Variants in MCC observed in about 807,000 individuals in gnomAD.
The protein encoded by MCC is MCC regulator of Wnt signaling pathway, also known as colorectal mutant cancer protein.
MCC carries 90 observed loss-of-function variants against 116.2 expected under a neutral mutation model. The ratio of observed to expected loss-of-function variants is 0.77; its 90% CI spans 0.65 to 0.92. The LOEUF is 0.92. Among genes scored for constraint, MCC ranks in the 40% least tolerant of loss-of-function variants. The pLI is 0.00. For synonymous variants in MCC, 578 were observed against 510.5 expected, an observed-to-expected ratio of 1.13 and a Z score of -1.78; for missense variants, 1,516 against 1,312.2, an observed-to-expected ratio of 1.16 and a Z score of -2.40.
intron 3 of MCC, among the ~76,000 whole-genome samples, chr5:113,152,951 G>A (rs1036486029): frequency 2.0e-5 from 3 of 152,114 alleles, no homozygotes; most frequent in African/African-American, 4.8e-5. Context: ...TTTGTGTGAC[G>A]ACTTCTCAGT....
At chr5:113,034,497 G>A (rs1485494351) in intron 17 of MCC, among the ~76,000 whole-genome samples, 1 of 152,216 alleles carries the variant, frequency 6.6e-6, no homozygotes, top group East Asian at 1.9e-4. Context: ...GAGTCATCGG[G>A]CGAGAGCCCA....
intron 8 of MCC, among the ~76,000 whole-genome samples, chr5:113,087,982 A>C (rs1299176947): frequency 6.6e-6 from 1 of 152,244 alleles, no homozygotes; most frequent in Non-Finnish European, 1.5e-5. Context: ...CTACAGAGGC[A>C]ATTTACTCTA....
chr5:113,068,703 T>C (rs938738227), intron 12 of MCC, among the ~76,000 whole-genome samples: 1 of 152,226 alleles, frequency 6.6e-6, no homozygotes, highest in East Asian at 1.9e-4. Flanking sequence ...CTGTCGTGTC[T>C]TCAAGATTCT....
rs549838988 is a variant in MCC, at chr5:113,472,895, G to A, written c.170+15350C>T. ...ATGCTATTTGGGAGTGTGAAGCACC[G>A]TATTTTGTCTTAAGGTAGTATTAAA... is the stretch of plus-strand genomic sequence containing the variant. On this transcript the variant is annotated intron_variant, in intron 1 of 18. Transcript: ENST00000408903. 3.5e-3 allele frequency among the ~76,000 whole-genome samples: 535 copies of A among 152,232 alleles called. 1 individual carries two copies. The highest frequency in any genetic ancestry group is 6.1e-3 in the Non-Finnish European group (413 of 68,020).
chr5:113,418,517 T>C (rs1422864957), intron 1 of MCC, among the ~76,000 whole-genome samples: 1 of 150,150 alleles, frequency 6.7e-6, no homozygotes, highest in South Asian at 2.1e-4. Context: ...CCTCCAGCCA[T>C]GTGAAATTTC....
chr5:113,112,104 A>AGGGG (rs1210438294), intron 6 of MCC, among the ~76,000 whole-genome samples: 55 of 152,344 alleles, frequency 3.6e-4, no homozygotes, highest in African/African-American at 1.3e-3. Flanking sequence ...TCTTTACCAG[A>AGGGG]ATGACTTTGC....
intron 3 of MCC, among the ~76,000 whole-genome samples, chr5:113,240,142 C>T (rs909844452): frequency 1.3e-5 from 2 of 152,156 alleles, no homozygotes; most frequent in Non-Finnish European, 2.9e-5. Flanking sequence ...TCCCATTCCG[C>T]CACTCCTCTG....
intron 3 of MCC, among the ~76,000 whole-genome samples, chr5:113,198,356 C>G (rs1049753137): frequency 6.6e-6 from 1 of 151,954 alleles, no homozygotes; most frequent in African/African-American, 2.4e-5. Flanking sequence ...TTATGTATTT[C>G]AAGAGAGAAG....
In MCC at chr5:113,031,139, C is replaced by T. The variant is rs1283480567; in HGVS notation, c.2757-2083G>A. 3.9e-5 allele frequency among the ~76,000 whole-genome samples: 6 copies of T among 152,168 alleles called. No homozygotes were observed. The South Asian group carries it at 1.0e-3, about 26-fold the overall frequency. On this transcript the variant is annotated intron_variant, in intron 17 of 18. Transcript: ENST00000408903. Reference sequence around the variant, plus strand: ...TGATCAATGAAGAAAGGAATTACAACGTAAAATCCAGGCCTGCTTTTGGGA... The same window carrying T: ...TGATCAATGAAGAAAGGAATTACAATGTAAAATCCAGGCCTGCTTTTGGGA...
intron 3 of MCC, among the ~76,000 whole-genome samples, chr5:113,177,939 G>C (rs575968107): frequency 4.5e-4 from 69 of 152,124 alleles, no homozygotes; most frequent in Admixed American, 1.0e-3. Context: ...CCTTCTTTTC[G>C]AATTACGAAA....
rs995205545 is a variant in MCC at position 113,023,345 on chromosome 5, C to T, written c.*3957G>A. The T allele has an allele frequency of 6.6e-6, 1 of 152,226 alleles. No homozygotes were observed. Among genetic ancestry groups the T allele is most frequent in the African/African-American group, 2.4e-5 (1 of 41,454 alleles). 9.4% of individuals were successfully genotyped at this position (152,226 alleles called of 1,614,324 possible). A position where few individuals can be genotyped will look rare whatever the true frequency, so the allele number is the denominator to read the frequency against. On this transcript the variant is annotated 3_prime_UTR_variant, in exon 19 of 19. Coordinates refer to ENST00000408903, the MANE Select transcript of MCC (RefSeq NM_001085377.2). ...TCTATAAGAGTGCTCAAAGGTGAAT[C>T]AAACTTGTATATCATTCCTTGTCAA...
intron 5 of MCC, among the ~76,000 whole-genome samples, chr5:113,132,417 TACACAC>T (rs1391358885): frequency 8.2e-5 from 10 of 121,260 alleles, no homozygotes; most frequent in African/African-American, 3.5e-4. Flanking sequence ...CATATATATA[TACACAC>T]ATACATATAT....
intron 14 of MCC, among the ~76,000 whole-genome samples, chr5:113,060,268 C>T (rs1753127539): frequency 6.6e-6 from 1 of 152,162 alleles, no homozygotes; most frequent in Non-Finnish European, 1.5e-5. Flanking sequence ...AATTCTCCTG[C>T]CTCAGCCTCC....
intron 3 of MCC, among the ~76,000 whole-genome samples, chr5:113,202,561 C>T (rs924748349): frequency 1.3e-5 from 2 of 152,150 alleles, no homozygotes; most frequent in African/African-American, 2.4e-5. Flanking sequence ...GATACGCCGA[C>T]AGTGTATTTG....
intron 17 of MCC, among the ~76,000 whole-genome samples, chr5:113,040,280 A>G (rs59664033): frequency 0.26 from 38,930 of 151,402 alleles, 5,084 homozygotes; most frequent in African/African-American, 0.29. Context: ...TGGCCAGGTA[A>G]GGGGAGGTTG....
At chr5:113,300,125 ACT>A (rs1405756274) in intron 3 of MCC, among the ~76,000 whole-genome samples, 2 of 151,944 alleles carry the variant, frequency 1.3e-5, no homozygotes, top group African/African-American at 4.8e-5. Context: ...CATGGCAGAA[ACT>A]CTATTCTGGG....
At chr5:113,115,437 A>G (rs1757341260) in intron 6 of MCC, among the ~76,000 whole-genome samples, 1 of 152,048 alleles carries the variant, frequency 6.6e-6, no homozygotes, top group Non-Finnish European at 1.5e-5. Flanking sequence ...ATTTGTTTTC[A>G]TTTTCACTGT....
intron 2 of MCC, among the ~76,000 whole-genome samples, chr5:113,375,077 T>C (rs1581436714): frequency 1.3e-5 from 2 of 151,896 alleles, no homozygotes; most frequent in Middle Eastern, 3.4e-3. Flanking sequence ...ATGTACTCCC[T>C]GGATGTTCAT....
intron 3 of MCC, among the ~76,000 whole-genome samples, chr5:113,277,995 T>C (rs761325408): frequency 1.3e-5 from 2 of 152,194 alleles, no homozygotes; most frequent in African/African-American, 2.4e-5. Flanking sequence ...TGGATTTTAC[T>C]AGGAGATCTC....
Sources: allele counts gnomAD v4.1 joint callset (sites outside exome capture counted in the v4.1 genomes callset), GRCh38; gene constraint gnomAD v4.1.1; transcripts MANE v1.5; gene names NCBI Gene and HGNC (gene_info 2026-07-23, HGNC 2026-07-21).